RAD51B: variants seen among roughly 807,000 people sequenced by gnomAD.
RAD51B encodes the protein RAD51 paralog B.
Under a neutral mutation model 42.2 loss-of-function variants are expected in RAD51B, and 38 were observed. The observed-to-expected ratio is 0.90, with a 90% CI of 0.70 to 1.18. The LOEUF is 1.18. RAD51B is among the 50% of genes most tolerant of loss of function. The pLI, the probability that RAD51B is intolerant of heterozygous loss-of-function variation, is 0.00. For missense variants in RAD51B, 373 were observed against 400.7 expected (o/e 0.93, Z 0.59); for synonymous variants, 154 against 145.2 (o/e 1.06, Z -0.43).
chr14:68,450,066 A>G (rs528543133), intron 9 of RAD51B, among the ~76,000 whole-genome samples: 2 of 152,240 alleles, frequency 1.3e-5, no homozygotes, highest in South Asian at 2.1e-4. Flanking sequence ...GGCTTTTCCC[A>G]TTGTTATGCC....
At chr14:67,947,335 C>T (rs770083842) in intron 7 of RAD51B, among the ~76,000 whole-genome samples, 79 of 152,262 alleles carry the variant, frequency 5.2e-4, no homozygotes, top group Non-Finnish European at 1.1e-3. Context: ...GCATGTTTAG[C>T]TTTCATTCAT....
At chr14:68,142,852 T>C (rs1038123101) in intron 7 of RAD51B, among the ~76,000 whole-genome samples, 3 of 152,260 alleles carry the variant, frequency 2.0e-5, no homozygotes, top group South Asian at 2.1e-4. Context: ...CAAACTTATA[T>C]GCAAATTATT....
chr14:68,615,640 T>G (rs1289380703), downstream of RAD51B, among the ~76,000 whole-genome samples: 1 of 152,224 alleles, frequency 6.6e-6, no homozygotes, highest in East Asian at 1.9e-4. Context: ...CCACTGCACC[T>G]GGCTTAAATT....
At chr14:68,590,995 G>C (rs2256860) in intron 10 of RAD51B, among the ~76,000 whole-genome samples, 10,631 of 152,162 alleles carry the variant, frequency 0.07, 1,226 homozygotes, top group African/African-American at 0.24. Flanking sequence ...CCTCCCCTCC[G>C]GTTCCTGCCC....
intron 7 of RAD51B, among the ~76,000 whole-genome samples, chr14:67,924,796 C>T (rs1008263010): frequency 3.9e-5 from 6 of 152,190 alleles, no homozygotes; most frequent in African/African-American, 1.4e-4. Context: ...CTCATATCCT[C>T]ACATTTCAAA....
At chr14:68,503,249 G>A (rs1374272937) in intron 10 of RAD51B, among the ~76,000 whole-genome samples, 1 of 152,236 alleles carries the variant, frequency 6.6e-6, no homozygotes, top group African/African-American at 2.4e-5. Flanking sequence ...TTTGGTGGAG[G>A]AGGGTGTGTG....
At chr14:68,504,560 A>G (rs1885148634) in intron 10 of RAD51B, among the ~76,000 whole-genome samples, 1 of 152,110 alleles carries the variant, frequency 6.6e-6, no homozygotes, top group South Asian at 2.1e-4. Flanking sequence ...CTTGGGAGGG[A>G]AACTCTCCCA....
At chr14:68,360,932 C>T (rs79939180) in intron 8 of RAD51B, among the ~76,000 whole-genome samples, 6,102 of 152,244 alleles carry the variant, frequency 0.04, 144 homozygotes, top group African/African-American at 0.057. Flanking sequence ...TCAGATTCTT[C>T]TTGGCCTCCC....
At chr14:68,573,946 G>T (rs1889834756) in intron 10 of RAD51B, among the ~76,000 whole-genome samples, 1 of 148,518 alleles carries the variant, frequency 6.7e-6, no homozygotes, top group South Asian at 2.2e-4. Flanking sequence ...ACTGCTGTGT[G>T]TGTGGGGGTG....
intron 7 of RAD51B, among the ~76,000 whole-genome samples, chr14:67,930,917 C>CT (rs548979995): frequency 0.27 from 37,683 of 140,616 alleles, 6,188 homozygotes; most frequent in African/African-American, 0.48. Context: ...TGGGTTATTT[C>CT]TTTTTTTTTT....
At chr14:67,840,912 G>A (rs544551677) in intron 4 of RAD51B, among the ~76,000 whole-genome samples, 57 of 151,460 alleles carry the variant, frequency 3.8e-4, no homozygotes, top group Non-Finnish European at 2.4e-4. Flanking sequence ...AGTGATTCTC[G>A]TGCCTCAGCC....
chr14:67,825,504 C>G lies in RAD51B; in HGVS notation c.125C>G (p.Thr42Ser). The G allele has an allele frequency of 6.2e-7, 1 of 1,613,642 alleles. No homozygotes were observed. The highest frequency in any genetic ancestry group is 8.5e-7 in the Non-Finnish European group (1 of 1,179,778). ...TCCCCACTGGAGCTTATGAAGGTGACTGGTCTGAGTTATCGAGGTGTCCAT... is the reference window on the plus strand; with the variant it reads ...TCCCCACTGGAGCTTATGAAGGTGAGTGGTCTGAGTTATCGAGGTGTCCAT... ...CLSPLELMKV[T>S]GLSYRGVHEL... The change falls in exon 3 of 11, where the codon ACT (threonine) becomes AGT (serine). Residue 42 changes from threonine to serine, a missense_variant. Thr to Ser is a moderately conservative substitution (Grantham distance 58). Coordinates refer to ENST00000471583, the MANE Select transcript of RAD51B (RefSeq NM_133510.4).
intron 7 of RAD51B, among the ~76,000 whole-genome samples, chr14:67,913,810 TTA>T (rs993514620): frequency 3.0e-4 from 46 of 152,124 alleles, no homozygotes; most frequent in African/African-American, 1.1e-3. Context: ...TTATACTGTT[TTA>T]GTTATTTTTA....
At chr14:68,502,184 T>C (rs1211731859) in intron 10 of RAD51B, among the ~76,000 whole-genome samples, 1 of 152,224 alleles carries the variant, frequency 6.6e-6, no homozygotes, top group Non-Finnish European at 1.5e-5. Context: ...TGGGGGCTGC[T>C]GGGAGATCAC....
chr14:68,045,065 C>T (rs1420415033), intron 7 of RAD51B, among the ~76,000 whole-genome samples: 1 of 151,616 alleles, frequency 6.6e-6, no homozygotes, highest in Non-Finnish European at 1.5e-5. Flanking sequence ...GGAGAAACCT[C>T]GTCTCTACTA....
At chr14:67,827,309 C>A (rs1442721099) in intron 3 of RAD51B, among the ~76,000 whole-genome samples, 1 of 152,124 alleles carries the variant, frequency 6.6e-6, no homozygotes, top group South Asian at 2.1e-4. Context: ...AGCATGGTCC[C>A]GAAATTCAAC....
At chr14:68,095,598 T>C (rs1204744246) in intron 7 of RAD51B, among the ~76,000 whole-genome samples, 2 of 152,208 alleles carry the variant, frequency 1.3e-5, no homozygotes, top group African/African-American at 2.4e-5. Flanking sequence ...CCCATTCATT[T>C]TGGTATTCAC....
chr14:67,825,738 A>AT (rs374022568), intron 3 of RAD51B, among the ~76,000 whole-genome samples, 161 bp downstream of exon 3: 2 of 150,422 alleles, frequency 1.3e-5, no homozygotes, highest in Admixed American at 6.6e-5. Flanking sequence ...ACATGTGAAA[A>AT]TTTTTTTTTT....
At chr14:68,265,081 C>T (rs1455176976) in intron 7 of RAD51B, among the ~76,000 whole-genome samples, 2 of 152,188 alleles carry the variant, frequency 1.3e-5, no homozygotes, top group African/African-American at 4.8e-5. Context: ...GCTTCCTATC[C>T]TGTATCCAAT....
Sources: gnomAD v4.1 joint callset for allele counts (sites outside exome capture counted in the v4.1 genomes callset) on GRCh38, gnomAD v4.1.1 for gene constraint, MANE v1.5 for transcripts, NCBI Gene and HGNC (gene_info 2026-07-23, HGNC 2026-07-21) for gene names.